The following GALNTL5 variants were observed in gnomAD, a reference collection of about 807,000 sequenced individuals.
GALNTL5 encodes the protein inactive polypeptide N-acetylgalactosaminyltransferase-like protein 5.
Under a neutral mutation model 51.0 loss-of-function variants are expected in GALNTL5, and 44 were observed. That is an observed-to-expected ratio of 0.86 (90% confidence interval 0.68 to 1.11). The LOEUF (loss-of-function observed/expected upper bound fraction) is 1.11, where lower values mean the gene tolerates loss of function less well. Among genes scored for constraint, GALNTL5 ranks in the 50% least tolerant of loss-of-function variants. GALNTL5 has a pLI of 0.00. For missense variants in GALNTL5, 528 were observed against 531.8 expected, an observed-to-expected ratio of 0.99 and a Z score of 0.07; for synonymous variants, 192 against 182.8, an observed-to-expected ratio of 1.05 and a Z score of -0.41.
At chr7:152,018,749 A>G (rs2081850971) in intron 8 of GALNTL5, among the ~76,000 whole-genome samples, 1 of 151,832 alleles carries the variant, frequency 6.6e-6, no homozygotes, top group Non-Finnish European at 1.5e-5. Context: ...GCACCAATCC[A>G]CCCTGGGGAC....
At chr7:152,016,425 A>G (rs543220000) in intron 8 of GALNTL5, among the ~76,000 whole-genome samples, 1 of 151,544 alleles carries the variant, frequency 6.6e-6, no homozygotes, top group Admixed American at 6.6e-5. Flanking sequence ...AAAAAATCTT[A>G]TGGGCCCGAG....
In GALNTL5 at chr7:151,967,221, G is replaced by T. The variant is rs1363621174; in HGVS notation, c.-26G>T. The T allele has an allele frequency of 3.8e-6, 6 of 1,597,168 alleles. No individual in the cohort carries two copies. The highest frequency in any genetic ancestry group is 5.1e-6 in the Non-Finnish European group (6 of 1,171,442). ...ATTCTGATTTAGGAAATTGAAAAAT[G>T]GACCTTTGAAAATGCTAGATTTACA... On this transcript the variant is annotated 5_prime_UTR_variant, in exon 2 of 9. An upstream start codon of the reference 5' UTR is lost. Coordinates refer to ENST00000392800, the MANE Select transcript of GALNTL5 (RefSeq NM_145292.4).
rs142778679 is a variant in GALNTL5 at position 152,019,725 on chromosome 7, G to A, written c.1256G>A (p.Arg419Gln). The A allele has an allele frequency of 4.3e-6, 7 of 1,613,830 alleles. No individual in the cohort carries two copies. Among genetic ancestry groups the A allele is most frequent in the African/African-American group, 1.3e-5 (1 of 74,914 alleles). ...CGCGAGCGTGTTGAGTTAAGGAAAC[G>A]ACTGGGTTGCAAGTCATTTCAGTGG... is the stretch of plus-strand genomic sequence containing the variant. ...NIRERVELRK[R>Q]LGCKSFQWYL... The change falls in exon 9 of 9, where the codon CGA becomes CAA. Residue 419 changes from arginine (R) to glutamine (Q), a missense_variant. By Grantham distance (43) the Arg-to-Gln change is conservative. Transcript: ENST00000392800.
chr7:152,016,960 C>T (rs1220109294), intron 8 of GALNTL5, among the ~76,000 whole-genome samples: 1 of 151,630 alleles, frequency 6.6e-6, no homozygotes, highest in Non-Finnish European at 1.5e-5. Context: ...ATTGCTTGAA[C>T]CCAGGAGGTA....
chr7:152,015,797 C>G (rs528815668), intron 8 of GALNTL5, among the ~76,000 whole-genome samples: 2 of 152,068 alleles, frequency 1.3e-5, no homozygotes, highest in Admixed American at 1.3e-4. Context: ...AAAACTATAC[C>G]CTGTCATCTG....
chr7:152,010,674 A>G (rs2081721371), intron 7 of GALNTL5, among the ~76,000 whole-genome samples: 1 of 151,970 alleles, frequency 6.6e-6, no homozygotes, highest in South Asian at 2.1e-4. Context: ...AAGCTGAGGC[A>G]CGAGAATTGC....
At chr7:151,997,522 C>T (rs75642773) in intron 5 of GALNTL5, among the ~76,000 whole-genome samples, 1,979 of 152,310 alleles carry the variant, frequency 0.013, 35 homozygotes, top group African/African-American at 0.046. Context: ...GAAAATAAAA[C>T]CTCATTGAAA....
At chr7:152,008,132 G>A (rs182922754) in intron 7 of GALNTL5, among the ~76,000 whole-genome samples, 188 bp downstream of exon 7, 2 of 152,132 alleles carry the variant, frequency 1.3e-5, no homozygotes, top group Admixed American at 1.3e-4. Context: ...TTAGATTCTT[G>A]GCCTGGTGTG....
intron 6 of GALNTL5, among the ~76,000 whole-genome samples, chr7:152,005,202 T>G (rs2081628508): frequency 6.9e-6 from 1 of 143,992 alleles, no homozygotes; most frequent in African/African-American, 2.6e-5. Flanking sequence ...AAAAGCTAGG[T>G]GCAATGAGTT....
At chr7:151,981,595 TTCCTTCCTTCCC>T (rs1416086574) in intron 3 of GALNTL5, among the ~76,000 whole-genome samples, 1,304 of 98,162 alleles carry the variant, frequency 0.013, 49 homozygotes, top group African/African-American at 0.049. Flanking sequence ...CCTTCCCTCC[TTCCTTCCTTCCC>T]TCCTTCCTTC....
chr7:151,959,144 C>G (rs1449858411), intron 1 of GALNTL5, among the ~76,000 whole-genome samples: 1 of 152,134 alleles, frequency 6.6e-6, no homozygotes, highest in East Asian at 1.9e-4. Flanking sequence ...CCCTCTCTGC[C>G]TAGGAATTTG....
intron 3 of GALNTL5, among the ~76,000 whole-genome samples, chr7:151,981,628 T>C (rs1235618882): frequency 8.5e-5 from 10 of 118,180 alleles, no homozygotes; most frequent in South Asian, 3.5e-4. Flanking sequence ...CTTCCTTCCT[T>C]CCTCCCTTTC....
chr7:151,965,975 A>G (rs1427563680), intron 1 of GALNTL5, among the ~76,000 whole-genome samples: 1 of 152,098 alleles, frequency 6.6e-6, no homozygotes, highest in Non-Finnish European at 1.5e-5. Flanking sequence ...TATTATATAT[A>G]TATATAATCA....
At chr7:151,994,154 C>G (rs2081462357) in intron 5 of GALNTL5, among the ~76,000 whole-genome samples, 2 of 152,206 alleles carry the variant, frequency 1.3e-5, no homozygotes, top group Admixed American at 1.3e-4. Context: ...CCTACACCCC[C>G]AAGTGATGTA....
intron 5 of GALNTL5, among the ~76,000 whole-genome samples, chr7:152,001,278 C>T (rs1275692386): frequency 6.6e-6 from 1 of 151,654 alleles, no homozygotes; most frequent in East Asian, 1.9e-4. Context: ...TGATGAATTC[C>T]AACGTATATG....
rs746331199 is a variant in GALNTL5, at chr7:151,973,347, C to T, written c.368+2282C>T. Among the ~76,000 whole-genome samples, 41 of 151,802 alleles carry T rather than the reference C, an allele frequency of 2.7e-4. 1 individual carries two copies. The highest frequency in any genetic ancestry group is 4.1e-4 in the Non-Finnish European group (28 of 67,970). On this transcript the variant is annotated intron_variant, in intron 3 of 8. Coordinates refer to ENST00000392800, the MANE Select transcript of GALNTL5 (RefSeq NM_145292.4). ...AGGCATGGTGATGCGTGCCTATAGA[C>T]CCAGCTACTTGGGAGGCTGAGGCAG...
intron 5 of GALNTL5, 78 bp from the exon 6 acceptor site, chr7:152,002,636 A>G: frequency 6.8e-7 from 1 of 1,479,864 alleles, no homozygotes; most frequent in Non-Finnish European, 9.3e-7. Context: ...AGAAATATTC[A>G]TCACATTGAA....
At chr7:151,979,757 A>G (rs1244824199) in intron 3 of GALNTL5, among the ~76,000 whole-genome samples, 1 of 152,084 alleles carries the variant, frequency 6.6e-6, no homozygotes, top group African/African-American at 2.4e-5. Context: ...GCACCTGGCC[A>G]GGAAAGTTTT....
At chr7:152,019,192 A>G (rs141972920) in intron 8 of GALNTL5, among the ~76,000 whole-genome samples, 42 of 152,356 alleles carry the variant, frequency 2.8e-4, no homozygotes, top group Middle Eastern at 3.4e-3. Flanking sequence ...AGGGTCACAC[A>G]GACCCTGAAT....
Sources: allele counts gnomAD v4.1 joint callset (sites outside exome capture counted in the v4.1 genomes callset), GRCh38; gene constraint gnomAD v4.1.1; transcripts MANE v1.5; gene names NCBI Gene and HGNC (gene_info 2026-07-23, HGNC 2026-07-21).